DNER: variants seen among roughly 807,000 people sequenced by gnomAD.
DNER encodes delta/notch like EGF repeat containing.
Under a neutral mutation model 78.2 loss-of-function variants are expected in DNER, and 33 were observed. The observed-to-expected ratio is 0.42, with a 90% CI of 0.32 to 0.56. The LOEUF (loss-of-function observed/expected upper bound fraction) is 0.56, where lower values mean the gene tolerates loss of function less well. DNER is among the 20% of genes least tolerant of loss of function. The probability of loss-of-function intolerance (pLI) is 0.11; values close to 1 mark genes in which losing one functional copy is unlikely to be tolerated. For missense variants in DNER, 918 were observed against 975.3 expected (o/e 0.94, Z 0.78); for synonymous variants, 417 against 384.8 (o/e 1.08, Z -0.98).
intron 10 of DNER, among the ~76,000 whole-genome samples, chr2:229,392,647 C>T (rs1056539982): frequency 6.6e-6 from 1 of 151,966 alleles, no homozygotes; most frequent in African/African-American, 2.4e-5. Flanking sequence ...ATTTGCACTG[C>T]CAGAGTGGAA....
chr2:229,571,711 G>A (rs532671214), intron 4 of DNER, among the ~76,000 whole-genome samples: 2 of 152,122 alleles, frequency 1.3e-5, no homozygotes, highest in Admixed American at 1.3e-4. Flanking sequence ...TTTCTAACTT[G>A]GTATATTCCC....
intron 1 of DNER, among the ~76,000 whole-genome samples, chr2:229,647,411 G>A (rs1698738490): frequency 1.3e-5 from 2 of 152,178 alleles, no homozygotes; most frequent in South Asian, 4.1e-4. Flanking sequence ...ACTAATATTA[G>A]AACACACGTT....
At chr2:229,463,349 A>G (rs1694740707) in intron 7 of DNER, among the ~76,000 whole-genome samples, 1 of 152,242 alleles carries the variant, frequency 6.6e-6, no homozygotes, top group Non-Finnish European at 1.5e-5. Flanking sequence ...AGAAATTACA[A>G]TGAGGGAATA....
chr2:229,369,452 C>A (rs540225348), intron 11 of DNER, among the ~76,000 whole-genome samples: 10 of 139,064 alleles, frequency 7.2e-5, no homozygotes, highest in Middle Eastern at 3.7e-3. Context: ...TCTAAAAAGT[C>A]AAAAAAAAAG....
chr2:229,665,324 C>A (rs1273107370), intron 1 of DNER, among the ~76,000 whole-genome samples: 8 of 152,198 alleles, frequency 5.3e-5, no homozygotes, highest in Non-Finnish European at 4.4e-5. Context: ...TCCAAGAAAG[C>A]CAGTGTTTGT....
At chr2:229,466,162 C>T (rs767671356) in intron 7 of DNER, among the ~76,000 whole-genome samples, 2 of 152,132 alleles carry the variant, frequency 1.3e-5, no homozygotes, top group Non-Finnish European at 2.9e-5. Context: ...ATTCATGGTG[C>T]CCTTGTCCAC....
intron 1 of DNER, among the ~76,000 whole-genome samples, chr2:229,647,703 A>T (rs1448114302): frequency 6.6e-6 from 1 of 152,248 alleles, no homozygotes; most frequent in Non-Finnish European, 1.5e-5. Context: ...AATGAATTAC[A>T]ATATATCTGG....
chr2:229,380,655 G>C (rs369129620), intron 11 of DNER, among the ~76,000 whole-genome samples: 1 of 129,900 alleles, frequency 7.7e-6, no homozygotes, highest in Non-Finnish European at 1.8e-5. Flanking sequence ...AGTCAGGCAC[G>C]GTGACTCACA....
At chr2:229,421,585 C>A (rs999193644) in intron 8 of DNER, among the ~76,000 whole-genome samples, 4 of 142,682 alleles carry the variant, frequency 2.8e-5, no homozygotes, top group East Asian at 4.1e-4. Flanking sequence ...AAAAAATACA[C>A]AACATAAAAA....
intron 12 of DNER, among the ~76,000 whole-genome samples, chr2:229,363,989 T>A (rs1692279640): frequency 8.1e-6 from 1 of 123,506 alleles, no homozygotes; most frequent in African/African-American, 3.5e-5. Flanking sequence ...TCTCTGCTTT[T>A]TTTTTTTTTT....
intron 1 of DNER, among the ~76,000 whole-genome samples, chr2:229,646,480 T>C (rs1698721202): frequency 6.6e-6 from 1 of 152,206 alleles, no homozygotes; most frequent in South Asian, 2.1e-4. Flanking sequence ...ACCAAGTACA[T>C]TATGCTTGTG....
chr2:229,365,030 G>A (rs1006315450), intron 12 of DNER, among the ~76,000 whole-genome samples: 2 of 151,736 alleles, frequency 1.3e-5, no homozygotes, highest in Non-Finnish European at 2.9e-5. Context: ...ATACATTTAG[G>A]TAGATATAAG....
At chr2:229,527,467 C>T (rs1250152655) in intron 5 of DNER, among the ~76,000 whole-genome samples, 2 of 152,114 alleles carry the variant, frequency 1.3e-5, no homozygotes, top group East Asian at 1.9e-4. Context: ...TAATGTGTTA[C>T]TATTTTAGGG....
At chr2:229,666,601 G>A (rs1328817013) in intron 1 of DNER, among the ~76,000 whole-genome samples, 6 of 152,094 alleles carry the variant, frequency 3.9e-5, no homozygotes, top group African/African-American at 1.4e-4. Flanking sequence ...CCTCAGCTCT[G>A]AACTCAAAGG....
rs142762727 is a variant in DNER at position 229,522,450 on chromosome 2, G to A, written c.994-9514C>T. Reference sequence around the variant, plus strand: ...GCAACGTTCTAATCCATTAACAAAAGTAAAGTTTGACTTTAAGGAAAATGA... The same window carrying A: ...GCAACGTTCTAATCCATTAACAAAAATAAAGTTTGACTTTAAGGAAAATGA... On this transcript the variant is annotated intron_variant, in intron 5 of 12. Transcript: ENST00000341772. Among the ~76,000 whole-genome samples, 652 of 152,244 alleles carry A rather than the reference G, an allele frequency of 4.3e-3. 6 individuals are homozygous for A. Among genetic ancestry groups the A allele is most frequent in the African/African-American group, 0.013 (524 of 41,548 alleles).
chr2:229,651,860 G>C (rs1022401660), intron 1 of DNER, among the ~76,000 whole-genome samples: 5 of 152,068 alleles, frequency 3.3e-5, no homozygotes, highest in Non-Finnish European at 5.9e-5. Flanking sequence ...ACAACCCTAG[G>C]GCCAACAACC....
intron 1 of DNER, among the ~76,000 whole-genome samples, chr2:229,665,296 G>A (rs1350734495): frequency 6.6e-6 from 1 of 152,130 alleles, no homozygotes; most frequent in East Asian, 1.9e-4. Flanking sequence ...CAGAAAGAAA[G>A]CCATAGTGCC....
chr2:229,711,064 G>A (rs888165398), intron 1 of DNER, among the ~76,000 whole-genome samples: 1 of 151,596 alleles, frequency 6.6e-6, no homozygotes, highest in African/African-American at 2.4e-5. Flanking sequence ...GGCTCTCTGG[G>A]GAGAGCAGGC....
chr2:229,511,350 G>A (rs6755403), intron 6 of DNER, among the ~76,000 whole-genome samples: 34,556 of 152,108 alleles, frequency 0.23, 4,083 homozygotes, highest in South Asian at 0.26. Flanking sequence ...GTGTCAAAAC[G>A]TTCCCTGGTA....
Sources: allele counts gnomAD v4.1 joint callset (sites outside exome capture counted in the v4.1 genomes callset), GRCh38; gene constraint gnomAD v4.1.1; transcripts MANE v1.5; gene names NCBI Gene and HGNC (gene_info 2026-07-23, HGNC 2026-07-21).